MFSD6: variants seen among roughly 807,000 people sequenced by gnomAD.
MFSD6 encodes major facilitator superfamily domain-containing protein 6.
MFSD6 carries 26 observed loss-of-function variants against 56.3 expected under a neutral mutation model. That is an observed-to-expected ratio of 0.46 (90% confidence interval 0.34 to 0.64). The LOEUF is 0.64. Ranked by LOEUF, MFSD6 falls within the 30% of genes least tolerant of loss-of-function variation. The pLI is 0.01. For missense variants in MFSD6, 750 were observed against 986.2 expected (o/e 0.76, Z 3.21); for synonymous variants, 331 against 366.9 (o/e 0.90, Z 1.12).
rs1689593288 is a variant in MFSD6 at position 190,495,109 on chromosome 2, T to C, written c.1892-2330T>C. On this transcript the variant is annotated intron_variant, in intron 6 of 7. Coordinates refer to ENST00000392328, the MANE Select transcript of MFSD6 (RefSeq NM_017694.4). This position sits in a 1 kb window ranked among gnomAD's most constrained non-coding sequence, Gnocchi z 4.7. ...TGTATACCTAGAAAACCCTAAAGAC[T>C]CCTCCTAAAAGCTCTTAGAACTGAT... Among the ~76,000 whole-genome samples, 1 of 152,120 alleles carries C rather than the reference T, an allele frequency of 6.6e-6. No homozygotes were observed. Among genetic ancestry groups the C allele is most frequent in the African/African-American group, 2.4e-5 (1 of 41,404 alleles).
intron 1 of MFSD6, among the ~76,000 whole-genome samples, chr2:190,414,136 G>A (rs80285230): frequency 6.6e-5 from 10 of 152,028 alleles, no homozygotes; most frequent in South Asian, 2.1e-4. Context: ...GTGGCAGGGG[G>A]AGGGAGAGCA....
rs1431776477 is a variant in MFSD6 at position 190,490,198 on chromosome 2, C to G, written c.1891+332C>G. Among the ~76,000 whole-genome samples, 1 of 151,658 alleles carries G rather than the reference C, an allele frequency of 6.6e-6. No homozygotes were observed. Among genetic ancestry groups the G allele is most frequent in the African/African-American group, 2.4e-5 (1 of 41,270 alleles). ...TAAGTCAAATACATATAAGGCTATA[C>G]AGTCATTTTGCTACTAGGGATAGGG... On this transcript the variant is annotated intron_variant, in intron 6 of 7. Transcript: ENST00000392328. This position sits in a 1 kb window ranked among gnomAD's most constrained non-coding sequence, Gnocchi z 4.5.
chr2:190,412,491 T>G lies in MFSD6; in HGVS notation c.-175-2801T>G, dbSNP rs1474217326. ...GTCCTACCCTACTACAAGGCCAGTT[T>G]GGGTAAAATTTCTTCCTCAAACTCA... On this transcript the variant is annotated intron_variant, in intron 1 of 7. Coordinates refer to ENST00000392328, the MANE Select transcript of MFSD6 (RefSeq NM_017694.4). This position sits in a 1 kb window ranked among gnomAD's most constrained non-coding sequence, Gnocchi z 4.1. The G allele has an allele frequency of 3.0e-6, 3 of 985,302 alleles. No individual in the cohort carries two copies. Among genetic ancestry groups the G allele is most frequent in the African/African-American group, 3.5e-5 (2 of 57,236 alleles). 61.0% of individuals were successfully genotyped at this position (985,302 alleles called of 1,614,324 possible). A position where few individuals can be genotyped will look rare whatever the true frequency, so the allele number is the denominator to read the frequency against.
chr2:190,459,271 T>G lies in MFSD6; in HGVS notation c.1533-10487T>G, dbSNP rs1687198627. On this transcript the variant is annotated intron_variant, in intron 3 of 7. Coordinates refer to ENST00000392328, the MANE Select transcript of MFSD6 (RefSeq NM_017694.4). This position sits in a 1 kb window ranked among gnomAD's most constrained non-coding sequence, Gnocchi z 5.3. The stretch of plus-strand genomic sequence containing the variant: ...AGCAGGATTAGTATCTGCTTTTGAT[T>G]TGGTCATGACATTGCTTCAACCTGA... Among the ~76,000 whole-genome samples the G allele has an allele frequency of 6.6e-6, 1 of 152,214 alleles. No individual in the cohort carries two copies. The highest frequency in any genetic ancestry group is 6.5e-5 in the Admixed American group (1 of 15,274).
In MFSD6 at chr2:190,492,028, C is replaced by A. The variant is rs1000092279; in HGVS notation, c.1891+2162C>A. Among the ~76,000 whole-genome samples the A allele has an allele frequency of 1.3e-5, 2 of 152,130 alleles. No homozygotes were observed. Among genetic ancestry groups the A allele is most frequent in the South Asian group, 4.1e-4 (2 of 4,832 alleles). ...AAATGCAAAATGTTCTGGAAAGTCT[C>A]AGCAACAGAATCGAAGAAGCAGAAG... On this transcript the variant is annotated intron_variant, in intron 6 of 7. Transcript: ENST00000392328. The surrounding 1 kb of genome is among the most constrained non-coding windows in gnomAD (Gnocchi z 5.2).
At chr2:190,442,656 G>C (rs919126809) in intron 3 of MFSD6, 2 of 152,176 alleles carry the variant, frequency 1.3e-5, no homozygotes, top group African/African-American at 4.8e-5. Context: ...GTGAGGTAGA[G>C]ACCCCTACAT....
chr2:190,453,211 G>A (rs752395358), intron 3 of MFSD6, among the ~76,000 whole-genome samples: 1 of 152,042 alleles, frequency 6.6e-6, no homozygotes, highest in Non-Finnish European at 1.5e-5. Flanking sequence ...TGAAGGAGAG[G>A]AGTTATATTA....
At position 190,443,480 on chromosome 2, in the gene MFSD6, G is replaced by T. The variant is rs1300776679; in HGVS notation, c.1532+5919G>T. On this transcript the variant is annotated intron_variant, in intron 3 of 7. Transcript: ENST00000392328. The surrounding 1 kb of genome is among the most constrained non-coding windows in gnomAD (Gnocchi z 4.2). The stretch of plus-strand genomic sequence containing the variant: ...TTCTGTCAGTCTGATATATTATGCT[G>T]TTTATAACTACAAGACCCATTGAAG... 6.6e-6 allele frequency among the ~76,000 whole-genome samples: 1 copy of T among 152,154 alleles called. No individual in the cohort carries two copies. Among genetic ancestry groups the T allele is most frequent in the African/African-American group, 2.4e-5 (1 of 41,430 alleles).
chr2:190,415,992 C>G lies in MFSD6; in HGVS notation c.-54+579C>G, dbSNP rs1436533975. ...TCTGTAATGTGAACTGTTACTTTTT[C>G]CTCCCGCTGGGCTTGTTCTAAGACA... On this transcript the variant is annotated intron_variant, in intron 2 of 7. Coordinates refer to ENST00000392328, the MANE Select transcript of MFSD6 (RefSeq NM_017694.4). The surrounding 1 kb of genome is among the most constrained non-coding windows in gnomAD (Gnocchi z 4.5). Among the ~76,000 whole-genome samples, 3 of 152,102 alleles carry G rather than the reference C, an allele frequency of 2.0e-5. No homozygotes were observed. The highest frequency in any genetic ancestry group is 4.4e-5 in the Non-Finnish European group (3 of 68,004).
intron 3 of MFSD6, among the ~76,000 whole-genome samples, chr2:190,453,210 G>C (rs894431738): frequency 2.6e-5 from 4 of 152,016 alleles, no homozygotes; most frequent in Non-Finnish European, 5.9e-5. Flanking sequence ...ATGAAGGAGA[G>C]GAGTTATATT....
At chr2:190,460,462 G>C (rs908810990) in intron 3 of MFSD6, among the ~76,000 whole-genome samples, 13 of 152,140 alleles carry the variant, frequency 8.5e-5, no homozygotes, top group African/African-American at 3.1e-4. Flanking sequence ...ACTTAGCATA[G>C]AGTATGTTCA....
Position 190,499,050 on chromosome 2 carries a change from G to A in MFSD6, c.2173-965G>A, listed in dbSNP as rs1371041954. On this transcript the variant is annotated intron_variant, in intron 7 of 7. Transcript: ENST00000392328. This position sits in a 1 kb window ranked among gnomAD's most constrained non-coding sequence, Gnocchi z 6.0. ...GTAATCCCAGCTACTATGGAAGGCT[G>A]AGGCAGAGAATTGCTTGAACCCAGC... is the stretch of plus-strand genomic sequence containing the variant. Among the ~76,000 whole-genome samples, 2 of 152,150 alleles carry A rather than the reference G, an allele frequency of 1.3e-5. No homozygotes were observed. The highest frequency in any genetic ancestry group is 2.4e-5 in the African/African-American group (1 of 41,440).
intron 3 of MFSD6, among the ~76,000 whole-genome samples, chr2:190,441,988 T>C (rs1340555842): frequency 6.6e-6 from 1 of 152,140 alleles, no homozygotes; most frequent in Admixed American, 6.5e-5. Context: ...CAAAGACTCC[T>C]GATGGCAATT....
chr2:190,412,609 A>G lies in MFSD6; in HGVS notation c.-175-2683A>G. 1 of 984,930 alleles carries G rather than the reference A, an allele frequency of 1.0e-6. No individual in the cohort carries two copies. Among genetic ancestry groups the G allele is most frequent in the East Asian group, 1.1e-4 (1 of 8,828 alleles). 61.0% of individuals were successfully genotyped at this position (984,930 alleles called of 1,614,324 possible). A position where few individuals can be genotyped will look rare whatever the true frequency, so the allele number is the denominator to read the frequency against. The stretch of plus-strand genomic sequence containing the variant: ...GTCAATTCTGTGTGGGGCAATGAAA[A>G]CACCTTAATGCCTCCACCAAGAACA... On this transcript the variant is annotated intron_variant, in intron 1 of 7. Coordinates refer to ENST00000392328, the MANE Select transcript of MFSD6 (RefSeq NM_017694.4). The surrounding 1 kb of genome is among the most constrained non-coding windows in gnomAD (Gnocchi z 4.1).
In MFSD6 at chr2:190,495,735, A is replaced by C. The variant is rs1254178605; in HGVS notation, c.1892-1704A>C. ...ATTTGACAAAGCAAACAGAAACATA[A>C]AGGGGGAAAGGATACTCTATTCAAC... On this transcript the variant is annotated intron_variant, in intron 6 of 7. Coordinates refer to ENST00000392328, the MANE Select transcript of MFSD6 (RefSeq NM_017694.4). This position sits in a 1 kb window ranked among gnomAD's most constrained non-coding sequence, Gnocchi z 4.7. 6.6e-6 allele frequency among the ~76,000 whole-genome samples: 1 copy of C among 152,102 alleles called. No individual in the cohort carries two copies. Among genetic ancestry groups the C allele is most frequent in the Non-Finnish European group, 1.5e-5 (1 of 67,990 alleles).
chr2:190,494,228 C>T lies in MFSD6; in HGVS notation c.1892-3211C>T, dbSNP rs185780537. On this transcript the variant is annotated intron_variant, in intron 6 of 7. Coordinates refer to ENST00000392328, the MANE Select transcript of MFSD6 (RefSeq NM_017694.4). The surrounding 1 kb of genome is among the most constrained non-coding windows in gnomAD (Gnocchi z 5.7). ...GATCATTCAAGGCTACTATTAACAC[C>T]TTTACATGCATAAACTGGAAAACGC... 6.6e-5 allele frequency among the ~76,000 whole-genome samples: 10 copies of T among 152,174 alleles called. No homozygotes were observed. The highest frequency in any genetic ancestry group is 1.3e-4 in the Admixed American group (2 of 15,286).
intron 2 of MFSD6, among the ~76,000 whole-genome samples, chr2:190,430,207 CTT>C (rs71027220): frequency 4.5e-5 from 6 of 132,080 alleles, no homozygotes; most frequent in Admixed American, 1.5e-4. Flanking sequence ...AGTCCTCATT[CTT>C]TTTTTTTTTT....
In MFSD6 at chr2:190,437,064, G is replaced by T. The variant is rs752751345; in HGVS notation, c.1035G>T (p.Gly345=). ...TGGCGATGCTGTCTGTGGGCATCGG[G>T]ATCGACTACACCCACATCGAAGTGC... ...WGLAMLSVGI[G]IDYTHIEVLI... The change falls in exon 3 of 8, where the codon GGG becomes GGT. Residue 345 remains glycine (G), a synonymous_variant. Coordinates refer to ENST00000392328, the MANE Select transcript of MFSD6 (RefSeq NM_017694.4). The surrounding 1 kb of genome is among the most constrained non-coding windows in gnomAD (Gnocchi z 5.9). The T allele has an allele frequency of 2.5e-6, 4 of 1,614,234 alleles. No individual in the cohort carries two copies. The highest frequency in any genetic ancestry group is 1.1e-5 in the South Asian group (1 of 91,088).
chr2:190,472,260 G>C (rs1030304686), intron 4 of MFSD6, among the ~76,000 whole-genome samples: 1 of 151,978 alleles, frequency 6.6e-6, no homozygotes, highest in African/African-American at 2.4e-5. Flanking sequence ...GATGAGTTGA[G>C]AGAAGGCTTC....
Sources: allele counts gnomAD v4.1 joint callset (sites outside exome capture counted in the v4.1 genomes callset), GRCh38; gene constraint gnomAD v4.1.1; non-coding constraint Gnocchi (gnomAD v3.1); transcripts MANE v1.5; gene names NCBI Gene and HGNC (gene_info 2026-07-23, HGNC 2026-07-21).